Variants in C14orf39 observed in about 807,000 individuals in gnomAD.
C14orf39 encodes protein SIX6OS1.
In C14orf39, 66 loss-of-function variants were observed where a neutral mutation model predicts 85.6. That is an observed-to-expected ratio of 0.77 (90% CI 0.63 to 0.95). C14orf39 has a LOEUF of 0.95. Ranked by LOEUF, C14orf39 falls within the 40% of genes least tolerant of loss-of-function variation. The pLI is 0.00. For synonymous variants in C14orf39, 242 were observed against 214.0 expected (o/e 1.13, Z -1.14); for missense variants, 735 against 663.9 (o/e 1.11, Z -1.18).
chr14:60,467,082 G>A (rs1197586073), intron 9 of C14orf39, 38 bp from the exon 10 acceptor site: 1 of 1,051,968 alleles, frequency 9.5e-7, no homozygotes, highest in Non-Finnish European at 1.3e-6. Context: ...TATTAGATAA[G>A]TTAAAATTAA....
chr14:60,452,645 G>A (rs946474221), intron 16 of C14orf39, among the ~76,000 whole-genome samples: 4 of 152,062 alleles, frequency 2.6e-5, no homozygotes, highest in Admixed American at 2.0e-4. Flanking sequence ...ATAACTAAAA[G>A]TATAACTGGA....
chr14:60,485,761 CACCGCA>C (rs1892858623), intron 1 of C14orf39, among the ~76,000 whole-genome samples, 178 bp downstream of exon 1: 1 of 152,110 alleles, frequency 6.6e-6, no homozygotes, highest in South Asian at 2.1e-4. Context: ...GAGGCTGCAA[CACCGCA>C]TCCCCCCCAT....
chr14:60,497,665 C>T (rs1893087465), intron 2 of C14orf39, among the ~76,000 whole-genome samples: 2 of 152,128 alleles, frequency 1.3e-5, no homozygotes, highest in South Asian at 4.2e-4. Context: ...CACTGGAGGT[C>T]AGGAGTTCGA....
At chr14:60,440,096 T>C (rs1047672733) in intron 17 of C14orf39, among the ~76,000 whole-genome samples, 2 of 152,112 alleles carry the variant, frequency 1.3e-5, no homozygotes, top group African/African-American at 2.4e-5. Context: ...AGGATGTAAA[T>C]AGATTTAAAT....
chr14:60,500,771 T>C (rs1893133686), intron 1 of C14orf39, among the ~76,000 whole-genome samples: 1 of 152,186 alleles, frequency 6.6e-6, no homozygotes, highest in African/African-American at 2.4e-5. Context: ...TAGTTATCTC[T>C]AATAATAGTA....
intron 2 of C14orf39, chr14:60,494,550 A>G (rs1893038971): frequency 6.6e-6 from 1 of 152,298 alleles, no homozygotes; most frequent in South Asian, 2.1e-4. Context: ...TTGTATAAAT[A>G]TTAACGGGAG....
intron 16 of C14orf39, among the ~76,000 whole-genome samples, chr14:60,442,675 G>T (rs998570037): frequency 1.3e-5 from 2 of 152,080 alleles, no homozygotes; most frequent in African/African-American, 4.8e-5. Flanking sequence ...CCTCCACATA[G>T]ACAAACCAGA....
At chr14:60,471,962 AT>A (rs1414876086) in intron 5 of C14orf39, among the ~76,000 whole-genome samples, 1 of 151,898 alleles carries the variant, frequency 6.6e-6, no homozygotes, top group Non-Finnish European at 1.5e-5. Context: ...AATTCTATTC[AT>A]TTTAACTCCT....
In C14orf39 at chr14:60,442,754, ATGTGAATAAACAC is replaced by A. The variant is rs1169204489; in HGVS notation, c.1504-636_1504-624del. Among the ~76,000 whole-genome samples the A allele has an allele frequency of 2.0e-5, 3 of 152,292 alleles. No homozygotes were observed. In the East Asian group the frequency reaches 5.8e-4, roughly 29 times the overall value. The stretch of plus-strand genomic sequence containing the variant: ...ACTTTGTTTTTTATATAGAAGTCAC[ATGTGAATAAACAC>A]TGTTATGCACAGATTTATGTTTCTT... On this transcript the variant is annotated intron_variant, in intron 16 of 17. Transcript: ENST00000321731.
chr14:60,503,540 T>G (rs2140183215), intron 1 of C14orf39, among the ~76,000 whole-genome samples: 1 of 152,328 alleles, frequency 6.6e-6, no homozygotes, highest in South Asian at 2.1e-4. Context: ...TCTCTGCCAT[T>G]AACTAACTGT....
At chr14:60,441,080 C>T (rs1237675159) in intron 17 of C14orf39, among the ~76,000 whole-genome samples, 2 of 152,026 alleles carry the variant, frequency 1.3e-5, no homozygotes. Flanking sequence ...TCGGGCCCAC[C>T]TGGAAAATGA....
chr14:60,465,948 T>G (rs765949041), intron 11 of C14orf39, 31 bp downstream of exon 11: 2 of 1,192,844 alleles, frequency 1.7e-6, no homozygotes, highest in Non-Finnish European at 2.4e-6. Flanking sequence ...AGCAGGTATT[T>G]AATTTATACT....
chr14:60,489,705 C>A (rs532742644), upstream of C14orf39, among the ~76,000 whole-genome samples: 4 of 152,166 alleles, frequency 2.6e-5, no homozygotes, highest in Middle Eastern at 3.2e-3. Context: ...TATGTGTATT[C>A]AATCTCTTCC....
chr14:60,442,667 T>C lies in C14orf39; in HGVS notation c.1504-536A>G, dbSNP rs576501129. Among the ~76,000 whole-genome samples the C allele has an allele frequency of 5.3e-5, 8 of 152,312 alleles. No individual in the cohort carries two copies. In the South Asian group the frequency reaches 1.7e-3, roughly 32 times the overall value. On this transcript the variant is annotated intron_variant, in intron 16 of 17. Coordinates refer to ENST00000321731, the MANE Select transcript of C14orf39 (RefSeq NM_174978.3). Reference sequence around the variant, plus strand: ...TCTTTCCATGGCTCTATAATATTCCTCCACATAGACAAACCAGACAGTTTC... The same window carrying C: ...TCTTTCCATGGCTCTATAATATTCCCCCACATAGACAAACCAGACAGTTTC...
intron 16 of C14orf39, among the ~76,000 whole-genome samples, chr14:60,451,334 A>G (rs529866015): frequency 2.6e-4 from 39 of 152,292 alleles, no homozygotes; most frequent in Admixed American, 2.4e-3. Flanking sequence ...CAATCCCATT[A>G]CTGGGTATAT....
intron 1 of C14orf39, among the ~76,000 whole-genome samples, chr14:60,503,093 T>C (rs1172987443): frequency 2.6e-5 from 4 of 152,204 alleles, no homozygotes; most frequent in Non-Finnish European, 5.9e-5. Flanking sequence ...AAACCAAGCT[T>C]TACGACACCT....
chr14:60,498,729 C>A (rs1174983732), intron 2 of C14orf39, among the ~76,000 whole-genome samples: 1 of 152,142 alleles, frequency 6.6e-6, no homozygotes, highest in African/African-American at 2.4e-5. Context: ...AAACGATAAA[C>A]TTTTACTGAA....
intron 2 of C14orf39, among the ~76,000 whole-genome samples, chr14:60,497,483 C>T (rs1018298118): frequency 1.3e-5 from 2 of 152,160 alleles, no homozygotes; most frequent in African/African-American, 4.8e-5. Context: ...TTCATAAGCA[C>T]TTCTGACAGA....
chr14:60,499,962 T>A (rs1297327318), intron 1 of C14orf39, among the ~76,000 whole-genome samples: 1 of 152,192 alleles, frequency 6.6e-6, no homozygotes, highest in Non-Finnish European at 1.5e-5. Flanking sequence ...TTTTCATCTA[T>A]CAAGTTGGGA....
Sources: gnomAD v4.1 joint callset for allele counts (sites outside exome capture counted in the v4.1 genomes callset) on GRCh38, gnomAD v4.1.1 for gene constraint, MANE v1.5 for transcripts, NCBI Gene and HGNC (gene_info 2026-07-23, HGNC 2026-07-21) for gene names.